Variants in TG observed in about 807,000 individuals in gnomAD.
TG encodes the protein thyroglobulin.
Under a neutral mutation model 324.7 loss-of-function variants are expected in TG, and 270 were observed. That is an observed-to-expected ratio of 0.83 (90% CI 0.75 to 0.92). The LOEUF is 0.92. Among genes scored for constraint, TG ranks in the 40% least tolerant of loss-of-function variants. TG has a pLI of 0.00. For missense variants in TG, 3,591 were observed against 3,456.4 expected, an observed-to-expected ratio of 1.04 and a Z score of -0.98; for synonymous variants, 1,401 against 1,327.0, an observed-to-expected ratio of 1.06 and a Z score of -1.21.
At chr8:132,920,819 C>G (rs548799468) in intron 21 of TG, among the ~76,000 whole-genome samples, 4 of 152,234 alleles carry the variant, frequency 2.6e-5, no homozygotes, top group Non-Finnish European at 5.9e-5. Flanking sequence ...TGTCAGCTCC[C>G]TCCTGTATTG....
chr8:133,096,123 A>T, intron 42 of TG, 83 bp from the exon 43 acceptor site: 1 of 1,533,948 alleles, frequency 6.5e-7, no homozygotes, highest in Non-Finnish European at 9.0e-7. Context: ...CAGTATTGGC[A>T]TTCAGTATGG....
chr8:133,109,764 G>A (rs1850113271), intron 43 of TG, among the ~76,000 whole-genome samples: 1 of 152,178 alleles, frequency 6.6e-6, no homozygotes, highest in African/African-American at 2.4e-5. Context: ...CACTTGTGCT[G>A]ACCTCGGCTA....
intron 43 of TG, among the ~76,000 whole-genome samples, chr8:133,100,324 A>G (rs559867268): frequency 3.2e-4 from 49 of 152,018 alleles, no homozygotes; most frequent in African/African-American, 1.1e-3. Flanking sequence ...TACATCCTAC[A>G]CCCTACCCCA....
At chr8:132,950,354 TTC>T (rs1178122522) in intron 27 of TG, among the ~76,000 whole-genome samples, 1 of 152,214 alleles carries the variant, frequency 6.6e-6, no homozygotes, top group Admixed American at 6.5e-5. Flanking sequence ...GTCAGTGGGA[TTC>T]TTTCTGTGGG....
Position 132,890,145 on chromosome 8 carries a change from CAA to C in TG, c.2761+1578_2761+1579del, listed in dbSNP as rs764046449. On this transcript the variant is annotated intron_variant, in intron 10 of 47. Transcript: ENST00000220616. Reference sequence around the variant, plus strand: ...AATTGGCTTTTTTTTAATTGAGTAACAAGAGACTGGATACAAGATCATCCATT... The same window carrying C: ...AATTGGCTTTTTTTTAATTGAGTAACGAGACTGGATACAAGATCATCCATT... 2.6e-5 allele frequency among the ~76,000 whole-genome samples: 4 copies of C among 151,456 alleles called. No individual in the cohort carries two copies. The South Asian group carries it at 6.3e-4, about 24-fold the overall frequency.
chr8:133,040,049 C>T, intron 41 of TG: 1 of 1,553,136 alleles, frequency 6.4e-7, no homozygotes, highest in South Asian at 1.2e-5. Flanking sequence ...GACAGGTGAG[C>T]TGGAGGCCCT....
intron 35 of TG, among the ~76,000 whole-genome samples, chr8:132,994,136 T>A (rs538868347): frequency 6.6e-6 from 1 of 152,286 alleles, no homozygotes; most frequent in East Asian, 1.9e-4. Context: ...GACACTGTGA[T>A]GAAAAAGTGG....
intron 41 of TG, among the ~76,000 whole-genome samples, chr8:133,081,158 C>T (rs558617846): frequency 7.9e-5 from 12 of 152,362 alleles, no homozygotes; most frequent in East Asian, 5.8e-4. Flanking sequence ...GCGCATAGGA[C>T]GGGACCCACC....
chr8:133,088,785 C>T (rs1433896243), intron 41 of TG, among the ~76,000 whole-genome samples: 1 of 152,108 alleles, frequency 6.6e-6, no homozygotes, highest in Admixed American at 6.6e-5. Context: ...ACTGGGATTT[C>T]AAGACGAATT....
At chr8:133,099,197 C>T (rs185243983) in intron 43 of TG, among the ~76,000 whole-genome samples, 1 of 152,362 alleles carries the variant, frequency 6.6e-6, no homozygotes, top group East Asian at 1.9e-4. Flanking sequence ...GCTGCTAGCC[C>T]TGCTCCATGG....
chr8:132,946,403 C>T (rs1406304225), intron 26 of TG, among the ~76,000 whole-genome samples: 1 of 152,194 alleles, frequency 6.6e-6, no homozygotes, highest in Non-Finnish European at 1.5e-5. Flanking sequence ...CCTCGCAGTG[C>T]TGAAAGTCAA....
At chr8:132,927,267 T>TCTCC (rs953736159) in intron 22 of TG, among the ~76,000 whole-genome samples, 1 of 151,702 alleles carries the variant, frequency 6.6e-6, no homozygotes, top group Admixed American at 6.6e-5. Context: ...TTCCTCATAT[T>TCTCC]CTCCCTCCCT....
chr8:132,878,218 C>G (rs1453117795), intron 5 of TG, among the ~76,000 whole-genome samples: 1 of 152,142 alleles, frequency 6.6e-6, no homozygotes. Context: ...CTTGGTTCCT[C>G]GGGTCCTCAT....
chr8:133,119,598 C>T (rs1027167555), intron 45 of TG, among the ~76,000 whole-genome samples: 4 of 152,144 alleles, frequency 2.6e-5, no homozygotes, highest in African/African-American at 9.7e-5. Flanking sequence ...AGCACTAACT[C>T]CATTCATAAG....
intron 40 of TG, among the ~76,000 whole-genome samples, chr8:133,029,087 T>C (rs1297566473): frequency 1.3e-5 from 2 of 152,054 alleles, no homozygotes; most frequent in African/African-American, 4.8e-5. Context: ...TGTTTCAAGG[T>C]CTGATAAAGA....
At chr8:132,958,683 A>ACT (rs370777068) in intron 27 of TG, among the ~76,000 whole-genome samples, 124,151 of 151,266 alleles carry the variant, frequency 0.82, 51,153 homozygotes, top group African/African-American at 0.88. Flanking sequence ...GTGCTGCTGC[A>ACT]CCAGGCAACA....
intron 41 of TG, among the ~76,000 whole-genome samples, chr8:133,054,314 C>T (rs1395707150): frequency 1.3e-5 from 2 of 152,034 alleles, no homozygotes; most frequent in East Asian, 1.9e-4. Context: ...ATATGCACTG[C>T]GCATGAAAGA....
rs548199780 is a variant in TG at position 132,918,360 on chromosome 8, G to A, written c.4379-1016G>A. Among the ~76,000 whole-genome samples, 130 of 152,256 alleles carry A rather than the reference G, an allele frequency of 8.5e-4. 1 individual carries two copies. In the Middle Eastern group the frequency reaches 0.014, roughly 16 times the overall value. ...GGAGGCCACTTGAAAAAAGGCCACA[G>A]TTCTGGGGTTGAAATGCTAGAGATA... On this transcript the variant is annotated intron_variant, in intron 20 of 47. Transcript: ENST00000220616.
chr8:132,960,486 C>T (rs1292598703), intron 27 of TG, among the ~76,000 whole-genome samples: 1 of 152,196 alleles, frequency 6.6e-6, no homozygotes, highest in Non-Finnish European at 1.5e-5. Context: ...CAGGGGAGAA[C>T]AGTTTGCCAG....
Sources: allele counts gnomAD v4.1 joint callset (sites outside exome capture counted in the v4.1 genomes callset), GRCh38; gene constraint gnomAD v4.1.1; transcripts MANE v1.5; gene names NCBI Gene and HGNC (gene_info 2026-07-23, HGNC 2026-07-21).